PACSIN2: variants seen among roughly 807,000 people sequenced by gnomAD.
PACSIN2 encodes the protein protein kinase C and casein kinase substrate in neurons 2.
Under a neutral mutation model 63.8 loss-of-function variants are expected in PACSIN2, and 25 were observed. The observed-to-expected ratio is 0.39, with a 90% confidence interval of 0.29 to 0.55. PACSIN2 has a LOEUF of 0.55. Among genes scored for constraint, PACSIN2 ranks in the 20% least tolerant of loss-of-function variants. The pLI, the probability that PACSIN2 is intolerant of heterozygous loss-of-function variation, is 0.62. For missense variants in PACSIN2, 518 were observed against 646.9 expected (o/e 0.80, Z 2.16); for synonymous variants, 255 against 256.2 (o/e 1.00, Z 0.05).
chr22:42,992,548 G>T (rs1601611515), intron 1 of PACSIN2, among the ~76,000 whole-genome samples: 1 of 152,296 alleles, frequency 6.6e-6, no homozygotes, highest in Middle Eastern at 3.4e-3. Flanking sequence ...AGGAGTTCAA[G>T]ATCAGTCTTG....
At chr22:42,892,118 G>A (rs1929953125) in intron 3 of PACSIN2, among the ~76,000 whole-genome samples, 1 of 152,094 alleles carries the variant, frequency 6.6e-6, no homozygotes, top group Non-Finnish European at 1.5e-5. Context: ...CCTACTCACT[G>A]TTCTCAGTCC....
At chr22:42,931,935 T>G (rs1176594668) in intron 1 of PACSIN2, among the ~76,000 whole-genome samples, 1 of 152,222 alleles carries the variant, frequency 6.6e-6, no homozygotes, top group East Asian at 1.9e-4. Context: ...CCATGGAAAC[T>G]CAACGTTAAA....
At chr22:42,917,076 A>G (rs1931859673) in intron 1 of PACSIN2, among the ~76,000 whole-genome samples, 2 of 152,132 alleles carry the variant, frequency 1.3e-5, no homozygotes, top group South Asian at 4.1e-4. Flanking sequence ...TGTGCCAGAC[A>G]CTGCGCCCCA....
chr22:42,979,384 C>T (rs990019401), intron 1 of PACSIN2, among the ~76,000 whole-genome samples: 5 of 151,648 alleles, frequency 3.3e-5, no homozygotes, highest in African/African-American at 9.7e-5. Flanking sequence ...ATTAGCCAAG[C>T]GTGGTAGCAG....
chr22:42,898,450 T>A (rs1284500659), intron 2 of PACSIN2, among the ~76,000 whole-genome samples: 2 of 152,182 alleles, frequency 1.3e-5, no homozygotes, highest in Non-Finnish European at 2.9e-5. Context: ...TTTGTATTTT[T>A]AGTAGAGACG....
At chr22:42,960,788 G>A (rs1934105518) in intron 1 of PACSIN2, among the ~76,000 whole-genome samples, 1 of 152,178 alleles carries the variant, frequency 6.6e-6, no homozygotes, top group Non-Finnish European at 1.5e-5. Flanking sequence ...GGTGTGCTGG[G>A]CTTGTGAAAA....
chr22:43,010,398 A>ATATATATATATATATT, intron 1 of PACSIN2, among the ~76,000 whole-genome samples: 10 of 126,396 alleles, frequency 7.9e-5, no homozygotes, highest in South Asian at 2.7e-4. Flanking sequence ...ATATATATAT[A>ATATATATATATATATT]TTTTTTTTTA....
At chr22:42,876,783 G>A in intron 9 of PACSIN2, 105 bp downstream of exon 9, 1 of 1,462,870 alleles carries the variant, frequency 6.8e-7, no homozygotes, top group South Asian at 1.2e-5. Flanking sequence ...TTCCTGCAGA[G>A]CTCCGTGCAT....
intron 1 of PACSIN2, among the ~76,000 whole-genome samples, chr22:43,013,011 C>T (rs1477454157): frequency 6.6e-6 from 1 of 152,146 alleles, no homozygotes; most frequent in Non-Finnish European, 1.5e-5. Context: ...AGGCTGGTCT[C>T]TAAGTTCTGA....
intron 1 of PACSIN2, among the ~76,000 whole-genome samples, chr22:42,933,125 T>C (rs1438735802): frequency 6.6e-6 from 1 of 152,256 alleles, no homozygotes. Flanking sequence ...GAACCTAGTC[T>C]ATTATTATCT....
chr22:42,933,834 T>C lies in PACSIN2; in HGVS notation c.-77-21677A>G, dbSNP rs562219749. On this transcript the variant is annotated intron_variant, in intron 1 of 10. Coordinates refer to ENST00000263246, the MANE Select transcript of PACSIN2 (RefSeq NM_001184970.3). ...GGAAGTTATGAATAAGATATTCTGA[T>C]TGTAAGGAATTGTAAATGTGATGCT... Among the ~76,000 whole-genome samples the C allele has an allele frequency of 2.6e-5, 4 of 152,336 alleles. No individual in the cohort carries two copies. In the East Asian group the frequency reaches 7.7e-4, roughly 29 times the overall value.
intron 1 of PACSIN2, among the ~76,000 whole-genome samples, chr22:42,932,172 TTC>T (rs894977003): frequency 3.3e-5 from 5 of 152,216 alleles, no homozygotes; most frequent in Admixed American, 2.0e-4. Flanking sequence ...GCACAGGATC[TTC>T]TCTCTGTTTC....
intron 1 of PACSIN2, among the ~76,000 whole-genome samples, chr22:43,004,129 G>C (rs1923940532): frequency 1.3e-5 from 2 of 152,194 alleles, no homozygotes; most frequent in African/African-American, 4.8e-5. Context: ...ATTCCAGCCA[G>C]CCAGAGGAGG....
chr22:42,947,015 G>A (rs549943264), intron 1 of PACSIN2: 37 of 152,398 alleles, frequency 2.4e-4, no homozygotes, highest in African/African-American at 6.7e-4. Context: ...CCTCCTCTCC[G>A]TCAGAGGCAC....
At chr22:42,885,841 C>A (rs560029933) in intron 5 of PACSIN2, among the ~76,000 whole-genome samples, 3 of 151,958 alleles carry the variant, frequency 2.0e-5, no homozygotes, top group Non-Finnish European at 1.5e-5. Flanking sequence ...AAAAGGCCAC[C>A]CCTGCCAGGG....
chr22:42,898,139 A>T (rs983950102), intron 2 of PACSIN2, among the ~76,000 whole-genome samples: 2 of 152,038 alleles, frequency 1.3e-5, no homozygotes, highest in African/African-American at 2.4e-5. Flanking sequence ...CAAAAAAGGG[A>T]GCTGCCCATC....
At chr22:42,875,541 AT>A (rs35155364) in intron 10 of PACSIN2, among the ~76,000 whole-genome samples, 26 of 147,764 alleles carry the variant, frequency 1.8e-4, no homozygotes, top group East Asian at 2.0e-4. Context: ...AGCCCAGCTA[AT>A]TTTTTTTTTT....
intron 1 of PACSIN2, among the ~76,000 whole-genome samples, chr22:43,009,863 CTATTTTTTTTT>C (rs1385265710): frequency 7.6e-6 from 1 of 131,812 alleles, no homozygotes; most frequent in African/African-American, 2.9e-5. Context: ...TTTATTTTTT[CTATTTTTTTTT>C]TTTTTTTTTT....
At chr22:42,928,316 A>G (rs1932666224) in intron 1 of PACSIN2, among the ~76,000 whole-genome samples, 1 of 152,218 alleles carries the variant, frequency 6.6e-6, no homozygotes, top group Non-Finnish European at 1.5e-5. Context: ...AGGCGATGAA[A>G]TATCACCTGC....
Sources: gnomAD v4.1 joint callset for allele counts (sites outside exome capture counted in the v4.1 genomes callset) on GRCh38, gnomAD v4.1.1 for gene constraint, MANE v1.5 for transcripts, NCBI Gene and HGNC (gene_info 2026-07-23, HGNC 2026-07-21) for gene names.